MTRF1: variants seen among roughly 807,000 people sequenced by gnomAD.
MTRF1 encodes peptide chain release factor 1, mitochondrial.
A neutral mutation model predicts 62.9 loss-of-function variants in MTRF1; 51 were observed. That is an observed-to-expected ratio of 0.81 (90% CI 0.65 to 1.02). The LOEUF is 1.02. MTRF1 is among the 50% of genes least tolerant of loss of function. The pLI is 0.00. For synonymous variants in MTRF1, 158 were observed against 181.9 expected, an observed-to-expected ratio of 0.87 and a Z score of 1.06; for missense variants, 446 against 530.0, an observed-to-expected ratio of 0.84 and a Z score of 1.56.
chr13:41,304,314 A>G, the MTRF1 span, among the ~76,000 whole-genome samples: 25 of 152,162 alleles, frequency 1.6e-4, no homozygotes, highest in African/African-American at 5.6e-4. Context: ...CCCAGATTGG[A>G]GGGCAGTGGC....
Sources: allele counts gnomAD v4.1 joint callset (sites outside exome capture counted in the v4.1 genomes callset), GRCh38; gene constraint gnomAD v4.1.1; transcripts MANE v1.5; gene names NCBI Gene and HGNC (gene_info 2026-07-23, HGNC 2026-07-21).